TBC1D5: variants seen among roughly 807,000 people sequenced by gnomAD.
TBC1D5 encodes the protein TBC1 domain family, member 5.
Under a neutral mutation model 100.3 loss-of-function variants are expected in TBC1D5, and 75 were observed. The observed-to-expected ratio is 0.75, with a 90% CI of 0.62 to 0.91. TBC1D5 has a LOEUF of 0.91. TBC1D5 is among the 40% of genes least tolerant of loss of function. The pLI is 0.00. For missense variants in TBC1D5, 910 were observed against 942.4 expected (o/e 0.97, Z 0.45); for synonymous variants, 323 against 325.6 (o/e 0.99, Z 0.09).
chr3:17,223,666 G>C (rs1276289699), intron 17 of TBC1D5, among the ~76,000 whole-genome samples: 4 of 152,154 alleles, frequency 2.6e-5, no homozygotes, highest in African/African-American at 9.7e-5. Flanking sequence ...TTCATGACCA[G>C]CTTGGCTGAC....
At chr3:17,375,941 T>C (rs1205520128) in intron 10 of TBC1D5, among the ~76,000 whole-genome samples, 1 of 152,152 alleles carries the variant, frequency 6.6e-6, no homozygotes, top group Admixed American at 6.6e-5. Context: ...AAAATGATTT[T>C]CTGAAGGCCC....
intron 21 of TBC1D5, 48 bp from the exon 23 acceptor site, chr3:17,161,304 A>G (rs1220964811): frequency 1.3e-6 from 2 of 1,556,398 alleles, no homozygotes; most frequent in Non-Finnish European, 1.7e-6. Flanking sequence ...AGAAACTGGC[A>G]AAGAACTGAG....
chr3:17,197,234 T>C (rs2070815567), intron 18 of TBC1D5, among the ~76,000 whole-genome samples: 1 of 152,232 alleles, frequency 6.6e-6, no homozygotes, highest in African/African-American at 2.4e-5. Flanking sequence ...ATTGCACTAT[T>C]TATTTCTTAA....
intron 3 of TBC1D5, among the ~76,000 whole-genome samples, chr3:17,480,197 A>G (rs1165176919): frequency 6.6e-6 from 1 of 152,144 alleles, no homozygotes; most frequent in Non-Finnish European, 1.5e-5. Context: ...CGCAGGAGAG[A>G]GGGTGATGAG....
intron 2 of TBC1D5, among the ~76,000 whole-genome samples, chr3:17,598,301 A>G (rs2060707252): frequency 6.6e-6 from 1 of 152,228 alleles, no homozygotes; most frequent in African/African-American, 2.4e-5. Context: ...TAAAAAGACA[A>G]GTATATTTTA....
intron 14 of TBC1D5, among the ~76,000 whole-genome samples, chr3:17,301,822 C>T (rs1420414442): frequency 6.6e-6 from 1 of 152,112 alleles, no homozygotes; most frequent in East Asian, 1.9e-4. Context: ...CAAGGAATCA[C>T]AAGAGTGACT....
chr3:17,545,127 C>T (rs1206611500), intron 2 of TBC1D5, among the ~76,000 whole-genome samples: 1 of 151,910 alleles, frequency 6.6e-6, no homozygotes, highest in Admixed American at 6.6e-5. Context: ...TATTATGACA[C>T]CGAAAAAATC....
At chr3:17,225,658 C>T (rs2074809638) in intron 17 of TBC1D5, among the ~76,000 whole-genome samples, 1 of 151,850 alleles carries the variant, frequency 6.6e-6, no homozygotes, top group Non-Finnish European at 1.5e-5. Context: ...GTGGTGCGTG[C>T]CTGTAGTCCA....
chr3:17,342,318 G>T (rs751704286), intron 13 of TBC1D5, among the ~76,000 whole-genome samples: 3 of 152,068 alleles, frequency 2.0e-5, no homozygotes, highest in South Asian at 4.1e-4. Context: ...ATCTCTTCTT[G>T]CTTGAACCAC....
rs909828499 is a variant in TBC1D5 at position 17,189,399 on chromosome 3, G to C, written c.1753-4191C>G. Among the ~76,000 whole-genome samples, 7 of 152,072 alleles carry C rather than the reference G, an allele frequency of 4.6e-5. 1 individual carries two copies. The highest frequency in any genetic ancestry group is 4.6e-4 in the Admixed American group (7 of 15,260). ...TACAAGGCAAGAAATTGATAGAGGA[G>C]GATAAAGTTGGGCCACCTGTAGACT... On this transcript the variant is annotated intron_variant, in intron 18 of 21. Transcript: ENST00000253692.
At chr3:17,343,138 C>T (rs184446376) in intron 13 of TBC1D5, among the ~76,000 whole-genome samples, 6,044 of 152,174 alleles carry the variant, frequency 0.04, 158 homozygotes, top group Middle Eastern at 0.088. Context: ...GGAGATACGT[C>T]CCATCAATAC....
At chr3:17,426,685 T>C (rs978879489) in intron 4 of TBC1D5, among the ~76,000 whole-genome samples, 1 of 152,052 alleles carries the variant, frequency 6.6e-6, no homozygotes, top group Non-Finnish European at 1.5e-5. Flanking sequence ...AATACAATTA[T>C]CATTTAATAC....
At chr3:17,494,782 C>T (rs2095684387) in intron 3 of TBC1D5, among the ~76,000 whole-genome samples, 1 of 152,164 alleles carries the variant, frequency 6.6e-6, no homozygotes, top group African/African-American at 2.4e-5. Flanking sequence ...GGCAAGCTGC[C>T]CCTCCCTCGG....
At chr3:17,676,503 GACAC>G (rs2068654707) in intron 1 of TBC1D5, among the ~76,000 whole-genome samples, 1 of 152,050 alleles carries the variant, frequency 6.6e-6, no homozygotes, top group Non-Finnish European at 1.5e-5. Context: ...AATAAAAGAG[GACAC>G]AAACAAATGG....
chr3:17,513,498 A>G lies in TBC1D5; in HGVS notation c.-35-4893T>C, dbSNP rs540315914. The stretch of plus-strand genomic sequence containing the variant: ...AAATGAATTTATTCTGTCTGAATAC[A>G]AAATTCTATATATTTCAGCTTATAT... On this transcript the variant is annotated intron_variant, in intron 2 of 21. Transcript: ENST00000253692. 8.8e-4 allele frequency among the ~76,000 whole-genome samples: 134 copies of G among 152,348 alleles called. No homozygotes were observed. The Middle Eastern group carries it at 0.01, about 12-fold the overall frequency.
chr3:17,255,984 CGA>C (rs2077627380), intron 16 of TBC1D5, among the ~76,000 whole-genome samples: 1 of 152,026 alleles, frequency 6.6e-6, no homozygotes, highest in South Asian at 2.1e-4. Flanking sequence ...TGCAGTAAGC[CGA>C]GATTGCGCCA....
chr3:17,278,578 T>C (rs1381357402), intron 15 of TBC1D5, among the ~76,000 whole-genome samples: 2 of 152,250 alleles, frequency 1.3e-5, no homozygotes, highest in Non-Finnish European at 1.5e-5. Context: ...TATGCTTCTG[T>C]ACTTTTTGAA....
intron 3 of TBC1D5, among the ~76,000 whole-genome samples, chr3:17,495,836 T>C (rs1456578692): frequency 2.0e-5 from 3 of 152,230 alleles, no homozygotes; most frequent in African/African-American, 7.2e-5. Context: ...GGTGATAAGT[T>C]AGGAATGACC....
chr3:17,617,701 T>C (rs2062293275), intron 2 of TBC1D5, among the ~76,000 whole-genome samples: 2 of 152,230 alleles, frequency 1.3e-5, no homozygotes, highest in Non-Finnish European at 2.9e-5. Flanking sequence ...CTATTGAAGC[T>C]TGTGCGTGCA....
Sources: gnomAD v4.1 joint callset for allele counts (sites outside exome capture counted in the v4.1 genomes callset) on GRCh38, gnomAD v4.1.1 for gene constraint, MANE v1.5 for transcripts, NCBI Gene and HGNC (gene_info 2026-07-23, HGNC 2026-07-21) for gene names.